Variants in WWOX observed in about 807,000 individuals in gnomAD.
WWOX encodes the protein WW domain-containing oxidoreductase.
In WWOX, 69 loss-of-function variants were observed where a neutral mutation model predicts 46.2. The ratio of observed to expected loss-of-function variants is 1.49; its 90% CI spans 1.23 to 1.82. The LOEUF is 1.82. Among genes scored for constraint, WWOX ranks in the 40% most tolerant of loss-of-function variants. WWOX has a pLI of 0.00. For missense variants in WWOX, 919 were observed against 542.6 expected (o/e 1.69, Z -6.89); for synonymous variants, 359 against 202.6 (o/e 1.77, Z -6.56).
At chr16:79,032,594 AC>A (rs2047785625) in intron 8 of WWOX, among the ~76,000 whole-genome samples, 1 of 148,486 alleles carries the variant, frequency 6.7e-6, no homozygotes, top group African/African-American at 2.5e-5. Context: ...GGGGGCAAAA[AC>A]ATATATATAA....
chr16:78,949,770 G>T (rs2046021395), intron 8 of WWOX, among the ~76,000 whole-genome samples: 1 of 152,176 alleles, frequency 6.6e-6, no homozygotes, highest in Non-Finnish European at 1.5e-5. Flanking sequence ...TCCTCTTGAA[G>T]GATTGAACGC....
At chr16:78,440,799 A>G (rs1418182669) in intron 8 of WWOX, among the ~76,000 whole-genome samples, 1 of 151,942 alleles carries the variant, frequency 6.6e-6, no homozygotes, top group Non-Finnish European at 1.5e-5. Flanking sequence ...ATATATTTTT[A>G]GTAGAAGCGG....
At chr16:78,328,335 C>T (rs1311547558) in intron 5 of WWOX, among the ~76,000 whole-genome samples, 1 of 152,264 alleles carries the variant, frequency 6.6e-6, no homozygotes, top group East Asian at 1.9e-4. Context: ...TATGTTAACA[C>T]CTCACTAGGG....
At chr16:78,906,725 GT>G (rs1256039157) in intron 8 of WWOX, among the ~76,000 whole-genome samples, 1 of 152,202 alleles carries the variant, frequency 6.6e-6, no homozygotes, top group African/African-American at 2.4e-5. Flanking sequence ...GATGTGCCCA[GT>G]TTAAGCTCTG....
chr16:78,972,477 A>AT (rs2046490356), intron 8 of WWOX, among the ~76,000 whole-genome samples: 1 of 151,986 alleles, frequency 6.6e-6, no homozygotes, highest in African/African-American at 2.4e-5. Flanking sequence ...GGTGAAAAAA[A>AT]AAAAAAATAA....
At chr16:78,318,785 T>C (rs2080406108) in intron 5 of WWOX, among the ~76,000 whole-genome samples, 1 of 152,158 alleles carries the variant, frequency 6.6e-6, no homozygotes, top group African/African-American at 2.4e-5. Context: ...ACAGAGGGGA[T>C]CCCTGTGATT....
chr16:78,374,438 G>A (rs1801664080), intron 5 of WWOX, among the ~76,000 whole-genome samples: 1 of 150,454 alleles, frequency 6.6e-6, no homozygotes, highest in Non-Finnish European at 1.5e-5. Context: ...TGGTCCTGTA[G>A]CTACTCCAAA....
At chr16:79,211,125 A>G (rs920448464) in intron 8 of WWOX, among the ~76,000 whole-genome samples, 1 of 152,060 alleles carries the variant, frequency 6.6e-6, no homozygotes, top group African/African-American at 2.4e-5. Flanking sequence ...GCATAAAGGG[A>G]TGATCTGGCA....
intron 5 of WWOX, among the ~76,000 whole-genome samples, chr16:78,373,963 T>G (rs966028151): frequency 1.2e-4 from 18 of 152,248 alleles, no homozygotes; most frequent in Middle Eastern, 3.4e-3. Flanking sequence ...ATTTTTGTAT[T>G]TTTAGTAGAG....
chr16:78,769,172 G>T (rs1199282330), intron 8 of WWOX, among the ~76,000 whole-genome samples: 1 of 152,202 alleles, frequency 6.6e-6, no homozygotes, highest in African/African-American at 2.4e-5. Flanking sequence ...TGGAAATTAT[G>T]TAAGGGCTGC....
chr16:79,085,232 A>G (rs912599171), intron 8 of WWOX, among the ~76,000 whole-genome samples: 6 of 152,062 alleles, frequency 3.9e-5, no homozygotes, highest in African/African-American at 1.4e-4. Flanking sequence ...GTTGGGAGCT[A>G]TATTAGTTGT....
chr16:78,100,035 G>A (rs2031653291), intron 1 of WWOX, 150 bp downstream of exon 1: 4 of 1,443,632 alleles, frequency 2.8e-6, no homozygotes, highest in South Asian at 2.9e-5. Context: ...AAGGGTCCAG[G>A]GTTCCCAGTA....
At chr16:78,962,716 T>C (rs1056521397) in intron 8 of WWOX, among the ~76,000 whole-genome samples, 10 of 152,182 alleles carry the variant, frequency 6.6e-5, no homozygotes, top group African/African-American at 1.9e-4. Flanking sequence ...CTCATACTTA[T>C]TTATACAACT....
At chr16:78,428,594 A>G (rs1210137401) in intron 7 of WWOX, among the ~76,000 whole-genome samples, 1 of 152,108 alleles carries the variant, frequency 6.6e-6, no homozygotes, top group Non-Finnish European at 1.5e-5. Context: ...TTGTTTCTAG[A>G]TTAGGGATCA....
chr16:78,927,716 C>T (rs1195307996), intron 8 of WWOX, among the ~76,000 whole-genome samples: 2 of 152,098 alleles, frequency 1.3e-5, no homozygotes, highest in South Asian at 4.2e-4. Context: ...TTACTTGGTG[C>T]CTGGGCTTGT....
intron 8 of WWOX, among the ~76,000 whole-genome samples, chr16:78,830,126 TAAAC>T (rs1218361556): frequency 6.6e-6 from 1 of 151,414 alleles, no homozygotes; most frequent in Admixed American, 6.6e-5. Flanking sequence ...TGAAAAAAAA[TAAAC>T]AAAATACTTC....
At chr16:78,693,517 T>C (rs927374175) in intron 8 of WWOX, among the ~76,000 whole-genome samples, 4 of 152,164 alleles carry the variant, frequency 2.6e-5, no homozygotes, top group African/African-American at 4.8e-5. Context: ...GAAATAATTA[T>C]GTTTGTTTAA....
chr16:79,151,958 C>G (rs566200723), intron 8 of WWOX, among the ~76,000 whole-genome samples: 25 of 152,248 alleles, frequency 1.6e-4, no homozygotes, highest in Non-Finnish European at 2.9e-5. Flanking sequence ...GGCTCTGAGT[C>G]TTTAAAAGGC....
chr16:78,415,288 G>A (rs573409188), intron 6 of WWOX, among the ~76,000 whole-genome samples: 13 of 152,070 alleles, frequency 8.5e-5, no homozygotes, highest in South Asian at 4.2e-4. Context: ...GTCTCTTAGC[G>A]TGCTAATGGA....
Sources: allele counts gnomAD v4.1 joint callset (sites outside exome capture counted in the v4.1 genomes callset), GRCh38; gene constraint gnomAD v4.1.1; transcripts MANE v1.5; gene names NCBI Gene and HGNC (gene_info 2026-07-23, HGNC 2026-07-21).